C20orf96: variants seen among roughly 807,000 people sequenced by gnomAD.
C20orf96 encodes chromosome 20 open reading frame 96.
In C20orf96, 57 loss-of-function variants were observed where a neutral mutation model predicts 52.6. The observed-to-expected ratio is 1.08, with a 90% CI of 0.88 to 1.35. The LOEUF is 1.35. C20orf96 is among the 40% of genes most tolerant of loss of function. The pLI is 0.00. For missense variants in C20orf96, 478 were observed against 443.6 expected (o/e 1.08, Z -0.70); for synonymous variants, 168 against 157.2 (o/e 1.07, Z -0.51).
chr20:279,358 C>A (rs746873669), intron 4 of C20orf96, 28 bp from the exon 5 acceptor site: 1 of 1,593,002 alleles, frequency 6.3e-7, no homozygotes, highest in African/African-American at 1.3e-5. Context: ...AGCAGAGAGG[C>A]GGCGCTGCGC....
intron 9 of C20orf96, 58 bp from the exon 10 acceptor site, chr20:276,144 G>C: frequency 6.2e-7 from 1 of 1,609,206 alleles, no homozygotes; most frequent in East Asian, 2.2e-5. Context: ...CAACCAAAGG[G>C]AGAAAGGCCA....
intron 10 of C20orf96, among the ~76,000 whole-genome samples, chr20:275,002 A>G (rs2011972231): frequency 6.6e-6 from 1 of 152,110 alleles, no homozygotes; most frequent in Non-Finnish European, 1.5e-5. Context: ...TATTTTTAGT[A>G]GAGACAGGGT....
Position 284,075 on chromosome 20 carries a change from T to C in C20orf96, c.194A>G (p.His65Arg), listed in dbSNP as rs2012320882. ...KTLTRVQPVFHFKPTTVVTSC... is the reference protein window; with the variant it reads ...KTLTRVQPVFRFKPTTVVTSC... ...TGTCACCACCGTAGTGGGCTTGAAG[T>C]GAAACACTAGGGGTAGACAGGAAAG... Residue 65 changes from histidine to arginine, a missense_variant, in exon 4 of 11, where the codon CAC (histidine) becomes CGC (arginine). Physicochemically the swap from His to Arg is conservative, Grantham distance 29. Transcript: ENST00000360321. 1.9e-6 allele frequency: 3 copies of C among 1,613,178 alleles called. No individual in the cohort carries two copies. The highest frequency in any genetic ancestry group is 4.5e-5 in the East Asian group (2 of 44,866).
intron 2 of C20orf96, 120 bp downstream of exon 2, chr20:290,139 G>A: frequency 1.4e-6 from 1 of 733,428 alleles, no homozygotes; most frequent in Non-Finnish European, 2.2e-6. Flanking sequence ...GACCCGGCTG[G>A]GACTGGAATT....
Position 276,829 on chromosome 20 carries a change from G to A in C20orf96, c.876C>T (p.Ser292=), listed in dbSNP as rs1200574433. ...TTTGCATGCATTTCAGGAAGTCCTG[G>A]CTTTCCCACATCTTCTGTAGGAGAG... ...EEALLQKMWE[S]QDFLKCMQRF... The change falls in exon 9 of 11, where the codon AGC becomes AGT. Residue 292 remains serine, a synonymous_variant. Transcript: ENST00000360321. The A allele has an allele frequency of 1.2e-6, 2 of 1,613,764 alleles. No individual in the cohort carries two copies. The highest frequency in any genetic ancestry group is 1.7e-6 in the Non-Finnish European group (2 of 1,179,822).
At chr20:281,270 CTT>C (rs1029901721) in intron 4 of C20orf96, among the ~76,000 whole-genome samples, 48 of 152,304 alleles carry the variant, frequency 3.2e-4, no homozygotes, top group African/African-American at 1.2e-3. Flanking sequence ...AGGAGGATCT[CTT>C]GAGCCCAGGA....
intron 4 of C20orf96, 29 bp from the exon 5 acceptor site, chr20:279,359 G>A (rs770642220): frequency 6.3e-7 from 1 of 1,593,126 alleles, no homozygotes; most frequent in Admixed American, 1.7e-5. Flanking sequence ...GCAGAGAGGC[G>A]GCGCTGCGCC....
intron 4 of C20orf96, among the ~76,000 whole-genome samples, chr20:280,844 G>C (rs1347135061): frequency 1.3e-5 from 2 of 152,156 alleles, no homozygotes; most frequent in Non-Finnish European, 2.9e-5. Flanking sequence ...ATCTGTTTTA[G>C]AGAACTGCCG....
chr20:274,183 C>T (rs1192694621), intron 10 of C20orf96, among the ~76,000 whole-genome samples: 5 of 151,972 alleles, frequency 3.3e-5, no homozygotes, highest in African/African-American at 1.2e-4. Context: ...TAACAGTGTG[C>T]CATTTCTACT....
chr20:284,069 T>C lies in C20orf96; in HGVS notation c.200A>G (p.Lys67Arg), dbSNP rs1296163931. 1.9e-6 allele frequency: 3 copies of C among 1,613,910 alleles called. No homozygotes were observed. The highest frequency in any genetic ancestry group is 1.7e-5 in the Admixed American group (1 of 60,016). Residue 67 changes from lysine (K) to arginine (R), a missense_variant, in exon 4 of 11, where the codon AAG (lysine) becomes AGG (arginine). Transcript: ENST00000360321. ...GCAGCTTGTCACCACCGTAGTGGGC[T>C]TGAAGTGAAACACTAGGGGTAGACA... ...LTRVQPVFHFKPTTVVTSCQP... is the reference protein window; with the variant it reads ...LTRVQPVFHFRPTTVVTSCQP...
rs147591491 is a variant in C20orf96 at position 276,007 on chromosome 20, CG to C, written c.991del (p.Arg331GlufsTer?). Reference protein sequence around the residue: ...EELQAQTREPREVIFEDVLLR... With the variant: ...EELQAQTREPXEVIFEDVLLR... The stretch of plus-strand genomic sequence containing the variant: ...CAGAACATCCTCAAATATGACCTCT[CG>C]GGGTTCCCGGGTCTGGGCTTGGAGC... On this transcript the variant is annotated frameshift_variant, in exon 10 of 11. Coordinates refer to ENST00000360321, the MANE Select transcript of C20orf96 (RefSeq NM_153269.3). LOFTEE classifies it high-confidence loss of function. 1 of 1,614,138 alleles carries C rather than the reference CG, an allele frequency of 6.2e-7. No individual in the cohort carries two copies. The highest frequency in any genetic ancestry group is 2.2e-5 in the East Asian group (1 of 44,876).
intron 3 of C20orf96, among the ~76,000 whole-genome samples, chr20:284,308 G>A (rs184077935): frequency 4.1e-4 from 63 of 152,352 alleles, no homozygotes; most frequent in African/African-American, 1.5e-3. Flanking sequence ...GGTGAAAGCA[G>A]TAACTATGGA....
chr20:288,187 T>TTTTTTA (rs1284050448), intron 3 of C20orf96, among the ~76,000 whole-genome samples: 3,079 of 144,360 alleles, frequency 0.021, 108 homozygotes, highest in African/African-American at 0.073. Context: ...TTTTTTTTTT[T>TTTTTTA]TTTTTTTTTT....
intron 8 of C20orf96, 68 bp downstream of exon 8, chr20:276,976 G>T: frequency 1.3e-6 from 2 of 1,596,138 alleles, no homozygotes; most frequent in Non-Finnish European, 8.6e-7. Context: ...GGAGGCAGAG[G>T]ATGGGGAAGA....
intron 10 of C20orf96, among the ~76,000 whole-genome samples, chr20:271,796 G>A (rs1183501564): frequency 6.6e-6 from 1 of 152,192 alleles, no homozygotes; most frequent in Non-Finnish European, 1.5e-5. Flanking sequence ...AGTCATTGGT[G>A]GAAAGATTAA....
chr20:290,614 G>A lies in C20orf96; in HGVS notation c.-4C>T. The A allele has an allele frequency of 6.2e-7, 1 of 1,603,326 alleles. No homozygotes were observed. Among genetic ancestry groups the A allele is most frequent in the Non-Finnish European group, 8.5e-7 (1 of 1,176,300 alleles). ...ACTTTTGTAAGACATGCGCCATTGGGGAAAATGGAAGAGAAGTTGCGAGTC... is the reference window on the plus strand; with the variant it reads ...ACTTTTGTAAGACATGCGCCATTGGAGAAAATGGAAGAGAAGTTGCGAGTC... On this transcript the variant is annotated 5_prime_UTR_variant, in exon 1 of 11. Coordinates refer to ENST00000360321, the MANE Select transcript of C20orf96 (RefSeq NM_153269.3).
intron 1 of C20orf96, 122 bp from the exon 2 acceptor site, chr20:290,429 C>A (rs1468793465): frequency 2.6e-6 from 4 of 1,544,816 alleles, no homozygotes; most frequent in South Asian, 1.2e-5. Flanking sequence ...GACAATAGCC[C>A]CGCGGGAGTG....
At chr20:287,682 A>C (rs1445038130) in intron 3 of C20orf96, among the ~76,000 whole-genome samples, 1 of 152,036 alleles carries the variant, frequency 6.6e-6, no homozygotes, top group East Asian at 1.9e-4. Flanking sequence ...TAATCCCAGC[A>C]CTTTGGGAGG....
At position 276,023 on chromosome 20, in the gene C20orf96, G is replaced by T; in HGVS notation, c.976C>A (p.Gln326Lys). 6.2e-7 allele frequency: 1 copy of T among 1,614,170 alleles called. No homozygotes were observed. ...LRAEVEELQA[Q>K]TREPREVIFE... The stretch of plus-strand genomic sequence containing the variant: ...ATGACCTCTCGGGGTTCCCGGGTCT[G>T]GGCTTGGAGCTCTTCCACCTCGGCC... Residue 326 changes from glutamine (Q) to lysine (K), a missense_variant, in exon 10 of 11, where the codon CAG (glutamine) becomes AAG (lysine). By Grantham distance (53) the Gln-to-Lys change is moderately conservative. Coordinates refer to ENST00000360321, the MANE Select transcript of C20orf96 (RefSeq NM_153269.3).
Sources: allele counts gnomAD v4.1 joint callset (sites outside exome capture counted in the v4.1 genomes callset), GRCh38; gene constraint gnomAD v4.1.1; transcripts MANE v1.5; gene names NCBI Gene and HGNC (gene_info 2026-07-23, HGNC 2026-07-21).